The following MORF4L1 variants were observed in gnomAD, a reference collection of about 807,000 sequenced individuals.
MORF4L1 encodes the protein mortality factor 4 like 1.
In MORF4L1, 4 loss-of-function variants were observed where a neutral mutation model predicts 52.9. The observed-to-expected ratio is 0.08, with a 90% CI of 0.04 to 0.17. MORF4L1 has a LOEUF of 0.17. MORF4L1 is among the 10% of genes least tolerant of loss of function. The pLI is 1.00. For missense variants in MORF4L1, 214 were observed against 390.4 expected, an observed-to-expected ratio of 0.55 and a Z score of 3.81; for synonymous variants, 123 against 134.8, an observed-to-expected ratio of 0.91 and a Z score of 0.61.
At position 78,891,825 on chromosome 15, in the gene MORF4L1, T is replaced by G. The variant is rs2056806462; in HGVS notation, c.438+253T>G. On this transcript the variant is annotated intron_variant, in intron 7 of 11. Coordinates refer to ENST00000426013, the MANE Select transcript of MORF4L1 (RefSeq NM_006791.4). ...CACCTACAAGACTATTTCTTTGGTG[T>G]TACGTATTTATTTTTAGGAGTTAAA... 2.0e-5 allele frequency: 9 copies of G among 452,144 alleles called. No homozygotes were observed. The East Asian group carries it at 3.2e-4, about 16-fold the overall frequency. 28.0% of individuals were successfully genotyped at this position (452,144 alleles called of 1,614,324 possible). A position where few individuals can be genotyped will look rare whatever the true frequency, so the allele number is the denominator to read the frequency against.
chr15:78,896,283 AT>A (rs1410898433), intron 11 of MORF4L1, among the ~76,000 whole-genome samples: 1 of 116,198 alleles, frequency 8.6e-6, no homozygotes, highest in Non-Finnish European at 1.9e-5. Context: ...GCCTGATAGG[AT>A]TTTTTTCTTT....
intron 5 of MORF4L1, among the ~76,000 whole-genome samples, chr15:78,889,937 A>G (rs1801226733): frequency 6.7e-6 from 1 of 149,810 alleles, no homozygotes; most frequent in South Asian, 2.1e-4. Context: ...GTAAAAAAGC[A>G]AAATTAGGCC....
intron 1 of MORF4L1, among the ~76,000 whole-genome samples, chr15:78,877,108 G>A (rs1450732830): frequency 2.4e-5 from 3 of 124,288 alleles, no homozygotes; most frequent in Non-Finnish European, 4.8e-5. Flanking sequence ...CACCACGCCC[G>A]GCTGATTTTT....
chr15:78,884,334 A>G (rs1175901810), intron 3 of MORF4L1, among the ~76,000 whole-genome samples: 1 of 152,108 alleles, frequency 6.6e-6, no homozygotes, highest in Non-Finnish European at 1.5e-5. Context: ...CATGGTGGTG[A>G]AACTCTGTCT....
chr15:78,896,938 G>A, intron 11 of MORF4L1, 45 bp from the exon 12 acceptor site: 2 of 1,468,704 alleles, frequency 1.4e-6, no homozygotes, highest in East Asian at 2.4e-5. Context: ...TTTGGATCAA[G>A]ATAATGACCT....
rs1382278470 is a variant in MORF4L1 at position 78,893,577 on chromosome 15, T to G, written c.579T>G (p.Ile193Met). 3 of 1,606,680 alleles carry G rather than the reference T, an allele frequency of 1.9e-6. No homozygotes were observed. The highest frequency in any genetic ancestry group is 2.6e-6 in the Non-Finnish European group (3 of 1,174,558). ...CTGCCAAGAAGAATGTGGATTCCAT[T>G]CTTGAGGATTATGCAAATTACAAGA... ...YLPAKKNVDS[I>M]LEDYANYKKS... The change falls in exon 9 of 12, where the codon ATT becomes ATG. Residue 193 changes from isoleucine (I) to methionine (M), a missense_variant. Physicochemically the swap from Ile to Met is conservative, Grantham distance 10. Around this residue, in one of 5 missense-constraint regions of MORF4L1, gnomAD observed 68 missense variants for 171.6 expected, o/e 0.40. Transcript: ENST00000426013.
chr15:78,891,688 A>G, intron 7 of MORF4L1, 116 bp downstream of exon 7: 2 of 794,614 alleles, frequency 2.5e-6, no homozygotes, highest in East Asian at 2.8e-5. Flanking sequence ...AATACCTGAA[A>G]TTAAAAATTT....
intron 7 of MORF4L1, 137 bp downstream of exon 7, chr15:78,891,709 G>T: frequency 1.6e-6 from 1 of 641,006 alleles, no homozygotes. Flanking sequence ...TCTCTTTTGG[G>T]GGTAAAGGAT....
intron 3 of MORF4L1, among the ~76,000 whole-genome samples, chr15:78,885,599 T>C (rs1233568168): frequency 6.6e-6 from 1 of 152,250 alleles, no homozygotes; most frequent in Non-Finnish European, 1.5e-5. Flanking sequence ...CTTCCTAATA[T>C]GTTTCTGACA....
chr15:78,880,713 TTTG>T, intron 3 of MORF4L1, 134 bp downstream of exon 3: 1 of 613,514 alleles, frequency 1.6e-6, no homozygotes, highest in Non-Finnish European at 2.8e-6. Flanking sequence ...AGGTGAATCA[TTTG>T]TAGTATGACA....
chr15:78,893,912 A>C, intron 9 of MORF4L1, 146 bp from the exon 10 acceptor site: 1 of 748,680 alleles, frequency 1.3e-6, no homozygotes, highest in Non-Finnish European at 2.2e-6. Flanking sequence ...AGTTTGTCAA[A>C]CCCTGCTTTC....
chr15:78,896,308 C>CTT (rs71148578), intron 11 of MORF4L1, among the ~76,000 whole-genome samples: 276 of 81,380 alleles, frequency 3.4e-3, no homozygotes, highest in Middle Eastern at 9.1e-3. Context: ...CTTTTCTTTT[C>CTT]TTTTTTTTTT....
In MORF4L1 at chr15:78,878,276, C is replaced by G. The variant is rs754288307; in HGVS notation, c.87+17C>G. 14 of 1,608,730 alleles carry G rather than the reference C, an allele frequency of 8.7e-6. No homozygotes were observed. The highest frequency in any genetic ancestry group is 2.1e-4 in the Middle Eastern group (1 of 4,752). ...GAAGCAAAGGTATGAAACTTGTTTT[C>G]TTTTGAGAAGTTGGCCAAAACTACT... On this transcript the variant is annotated intron_variant, in intron 2 of 11. Transcript: ENST00000426013.
chr15:78,890,451 C>T lies in MORF4L1; in HGVS notation c.324-538C>T, dbSNP rs149741554. Among the ~76,000 whole-genome samples, 586 of 150,330 alleles carry T rather than the reference C, an allele frequency of 3.9e-3. 2 individuals are homozygous for T. Among genetic ancestry groups the T allele is most frequent in the South Asian group, 9.4e-3 (45 of 4,778 alleles). Reference sequence around the variant, plus strand: ...ATATATTAATATAACCCTGGAAGAACGAAGTTGTTTACTAAAGTGTTCTTG... The same window carrying T: ...ATATATTAATATAACCCTGGAAGAATGAAGTTGTTTACTAAAGTGTTCTTG... On this transcript the variant is annotated intron_variant, in intron 5 of 11. Transcript: ENST00000426013.
At chr15:78,878,704 A>G (rs968442742) in intron 2 of MORF4L1, among the ~76,000 whole-genome samples, 1 of 152,210 alleles carries the variant, frequency 6.6e-6, no homozygotes, top group African/African-American at 2.4e-5. Flanking sequence ...CAAAGTTTGT[A>G]TTCTGGGAGG....
intron 10 of MORF4L1, chr15:78,894,583 A>G: frequency 2.2e-6 from 1 of 464,666 alleles, no homozygotes; most frequent in Middle Eastern, 5.8e-4. Flanking sequence ...TAATTTTTGT[A>G]TTTTCTGTAG....
At chr15:78,874,614 A>G (rs1487608647) in intron 1 of MORF4L1, among the ~76,000 whole-genome samples, 2 of 99,628 alleles carry the variant, frequency 2.0e-5, no homozygotes, top group Admixed American at 1.2e-4. Flanking sequence ...TATTTTTGGT[A>G]GAGACGGGGT....
intron 5 of MORF4L1, among the ~76,000 whole-genome samples, chr15:78,890,259 CGTGAG>C (rs1041428392): frequency 1.3e-5 from 2 of 151,102 alleles, no homozygotes; most frequent in Admixed American, 6.6e-5. Flanking sequence ...ATATAAGTGA[CGTGAG>C]GTAAGTTGCT....
intron 2 of MORF4L1, among the ~76,000 whole-genome samples, chr15:78,879,283 G>T (rs915638103): frequency 2.0e-5 from 3 of 151,928 alleles, no homozygotes; most frequent in Non-Finnish European, 4.4e-5. Context: ...GTGCAGTGGT[G>T]CGATCTTGGC....
Sources: gnomAD v4.1 joint callset for allele counts (sites outside exome capture counted in the v4.1 genomes callset) on GRCh38, gnomAD v4.1.1 for gene constraint, gnomAD v4.1.1 regional missense constraint, MANE v1.5 for transcripts, NCBI Gene and HGNC (gene_info 2026-07-23, HGNC 2026-07-21) for gene names.